The following ZNF827 variants were observed in gnomAD, a reference collection of about 807,000 sequenced individuals.
ZNF827 encodes the protein zinc finger protein 827.
A neutral mutation model predicts 102.4 loss-of-function variants in ZNF827; 13 were observed. That is an observed-to-expected ratio of 0.13 (90% CI 0.08 to 0.20). ZNF827 has a LOEUF of 0.20. Ranked by LOEUF, ZNF827 falls within the 10% of genes least tolerant of loss-of-function variation. ZNF827 has a pLI of 1.00. For synonymous variants in ZNF827, 523 were observed against 536.2 expected (o/e 0.98, Z 0.34); for missense variants, 1,103 against 1,344.4 (o/e 0.82, Z 2.81).
chr4:145,913,977 A>T (rs1310878222), intron 1 of ZNF827, among the ~76,000 whole-genome samples: 4 of 152,170 alleles, frequency 2.6e-5, no homozygotes, highest in African/African-American at 9.7e-5. Context: ...TGCATTCTAC[A>T]GTCTAAGAAA....
chr4:145,821,100 T>C (rs1743100560), intron 8 of ZNF827, among the ~76,000 whole-genome samples: 2 of 152,364 alleles, frequency 1.3e-5, no homozygotes, highest in South Asian at 2.1e-4. Flanking sequence ...AACAGCCCAG[T>C]GGACCTGAAG....
chr4:145,843,029 C>T (rs1020355926), intron 7 of ZNF827, among the ~76,000 whole-genome samples: 1 of 152,062 alleles, frequency 6.6e-6, no homozygotes, highest in Non-Finnish European at 1.5e-5. Flanking sequence ...GTAAGAGTTC[C>T]TTCTAAAACA....
intron 4 of ZNF827, among the ~76,000 whole-genome samples, chr4:145,882,777 C>T (rs987739193): frequency 6.6e-6 from 1 of 152,118 alleles, no homozygotes; most frequent in Non-Finnish European, 1.5e-5. Flanking sequence ...GACTCAGTGC[C>T]CACAAACAGC....
At chr4:145,908,763 C>T (rs1161723872) in intron 1 of ZNF827, among the ~76,000 whole-genome samples, 1 of 152,216 alleles carries the variant, frequency 6.6e-6, no homozygotes, top group Non-Finnish European at 1.5e-5. Context: ...ACACAACAGT[C>T]TCTGGCATAA....
intron 7 of ZNF827, among the ~76,000 whole-genome samples, chr4:145,834,164 T>C (rs986178787): frequency 3.9e-5 from 6 of 152,138 alleles, no homozygotes; most frequent in Non-Finnish European, 7.4e-5. Context: ...AGCCAGAAAA[T>C]GGCACTTTGA....
At chr4:145,799,725 T>C (rs971784591) in intron 8 of ZNF827, among the ~76,000 whole-genome samples, 1 of 152,176 alleles carries the variant, frequency 6.6e-6, no homozygotes, top group East Asian at 1.9e-4. Flanking sequence ...GTGATCAAGT[T>C]CTAGACAACA....
chr4:145,784,354 T>C (rs979072184), intron 8 of ZNF827, among the ~76,000 whole-genome samples: 2 of 152,230 alleles, frequency 1.3e-5, no homozygotes, highest in African/African-American at 4.8e-5. Flanking sequence ...CCACCGTTGG[T>C]TGGGTTTTCT....
intron 4 of ZNF827, 37 bp from the exon 5 acceptor site, chr4:145,870,515 A>T: frequency 6.3e-7 from 1 of 1,575,652 alleles, no homozygotes; most frequent in Non-Finnish European, 8.7e-7. Flanking sequence ...TATACATAAA[A>T]GGCCACTCCC....
chr4:145,885,547 G>A (rs1275641089), intron 4 of ZNF827, 131 bp downstream of exon 4: 2 of 1,307,282 alleles, frequency 1.5e-6, no homozygotes, highest in African/African-American at 1.5e-5. Context: ...AAATTTAAAG[G>A]GACCTTGAAA....
chr4:145,832,034 A>T (rs915335372), intron 7 of ZNF827: 3 of 152,264 alleles, frequency 2.0e-5, no homozygotes, highest in African/African-American at 7.2e-5. Flanking sequence ...AGACCAAGGC[A>T]GGAGGATCAC....
rs182248577 is a variant in ZNF827, at chr4:145,823,305, C to T, written c.2383+117G>A. On this transcript the variant is annotated intron_variant, in intron 8 of 14. Transcript: ENST00000508784. ...TGAGTTTCTCCTTCTTTTCTAAAAC[C>T]TAACCTTATATGAATAACTACATCC... The T allele has an allele frequency of 7.1e-3, 5,838 of 817,454 alleles. 30 individuals carry two copies. The highest frequency in any genetic ancestry group is 9.8e-3 in the Non-Finnish European group (5,028 of 513,088). 50.6% of individuals were successfully genotyped at this position (817,454 alleles called of 1,614,324 possible). A position where few individuals can be genotyped will look rare whatever the true frequency, so the allele number is the denominator to read the frequency against.
chr4:145,805,125 T>TTGTGTG (rs35536912), intron 8 of ZNF827, among the ~76,000 whole-genome samples: 2,786 of 148,354 alleles, frequency 0.019, 45 homozygotes, highest in African/African-American at 0.031. Context: ...GCAATTCCTT[T>TTGTGTG]TGTGTGTGTG....
At chr4:145,812,465 G>A (rs973534670) in intron 8 of ZNF827, among the ~76,000 whole-genome samples, 1 of 151,818 alleles carries the variant, frequency 6.6e-6, no homozygotes, top group African/African-American at 2.4e-5. Flanking sequence ...ATATAGCCCT[G>A]CAGTCTTTCT....
At chr4:145,869,943 A>G (rs1748536240) in intron 5 of ZNF827, among the ~76,000 whole-genome samples, 1 of 152,222 alleles carries the variant, frequency 6.6e-6, no homozygotes, top group Non-Finnish European at 1.5e-5. Context: ...ACCTTTGAAC[A>G]TCATTAGAAC....
intron 8 of ZNF827, among the ~76,000 whole-genome samples, chr4:145,816,645 G>A (rs1001201526): frequency 6.6e-6 from 1 of 152,174 alleles, no homozygotes; most frequent in African/African-American, 2.4e-5. Context: ...GGGGACAGAT[G>A]GGGCTAACAA....
intron 1 of ZNF827, among the ~76,000 whole-genome samples, chr4:145,934,713 T>C (rs760568097): frequency 5.2e-4 from 79 of 152,202 alleles, no homozygotes; most frequent in Non-Finnish European, 9.0e-4. Flanking sequence ...TTGGGCTTTG[T>C]AGATCCAGAC....
At chr4:145,889,751 T>C (rs558821350) in intron 3 of ZNF827, among the ~76,000 whole-genome samples, 1 of 152,252 alleles carries the variant, frequency 6.6e-6, no homozygotes, top group South Asian at 2.1e-4. Context: ...CCGAGGCAAG[T>C]GAACTGCCTG....
At chr4:145,900,520 C>T (rs1579516414) in intron 2 of ZNF827, among the ~76,000 whole-genome samples, 1 of 152,208 alleles carries the variant, frequency 6.6e-6, no homozygotes, top group East Asian at 1.9e-4. Context: ...AGCAATTCTC[C>T]TGCCTCAGCC....
In ZNF827 at chr4:145,826,687, G is replaced by A. The variant is rs987510122; in HGVS notation, c.2280-3162C>T. ...TTAAACTTTACCATATGTATGCATA[G>A]GAAAAAGCATTGTGTATATAGGGTT... is the stretch of plus-strand genomic sequence containing the variant. On this transcript the variant is annotated intron_variant, in intron 7 of 14. Coordinates refer to ENST00000508784, the MANE Select transcript of ZNF827 (RefSeq NM_001306215.2). Among the ~76,000 whole-genome samples, 7 of 152,262 alleles carry A rather than the reference G, an allele frequency of 4.6e-5. No homozygotes were observed. The East Asian group carries it at 1.2e-3, about 25-fold the overall frequency.
Sources: allele counts gnomAD v4.1 joint callset (sites outside exome capture counted in the v4.1 genomes callset), GRCh38; gene constraint gnomAD v4.1.1; transcripts MANE v1.5; gene names NCBI Gene and HGNC (gene_info 2026-07-23, HGNC 2026-07-21).